GPR89A: variants seen among roughly 807,000 people sequenced by gnomAD.
GPR89A encodes golgi pH regulator A.
A neutral mutation model predicts 52.0 loss-of-function variants in GPR89A; 16 were observed. The observed-to-expected ratio is 0.31, with a 90% CI of 0.21 to 0.47. GPR89A has a LOEUF of 0.47. Among genes scored for constraint, GPR89A ranks in the 20% least tolerant of loss-of-function variants. The probability of loss-of-function intolerance (pLI) is 1.00; values close to 1 mark genes in which losing one functional copy is unlikely to be tolerated. For synonymous variants in GPR89A, 55 were observed against 150.9 expected, an observed-to-expected ratio of 0.36 and a Z score of 4.66; for missense variants, 135 against 449.4, an observed-to-expected ratio of 0.30 and a Z score of 6.33.
rs782524314 is a variant in GPR89A, at chr1:145,663,399, T to C, written c.980T>C (p.Val327Ala). The C allele has an allele frequency of 5.6e-5, 90 of 1,610,112 alleles. 1 individual carries two copies. The highest frequency in any genetic ancestry group is 7.5e-5 in the Non-Finnish European group (89 of 1,178,972). The change falls in exon 11 of 14, where the codon GTG becomes GCG. Residue 327 changes from valine to alanine, a missense_variant. By Grantham distance (64) the Val-to-Ala change is moderately conservative. Transcript: ENST00000313835. ...GTCACAAGAGGCATTGAGATCACTG[T>C]GAATTATCTGGGAATCCAATTTGAT... The part of the protein sequence containing the change: ...DPVTRGIEIT[V>A]NYLGIQFDVK...
intron 3 of GPR89A, among the ~76,000 whole-genome samples, chr1:145,621,908 C>CA (rs587599363): frequency 0.99 from 136,684 of 137,846 alleles, 67,770 homozygotes; most frequent in South Asian, 1. Context: ...TGGCTATAAC[C>CA]AAAAAAAAAA....
chr1:145,612,478 AAAG>A (rs1167983976), intron 1 of GPR89A, among the ~76,000 whole-genome samples: 2 of 152,210 alleles, frequency 1.3e-5, no homozygotes, highest in African/African-American at 2.4e-5. Flanking sequence ...TATTTAAAAA[AAAG>A]CACAGATTTT....
At chr1:145,669,813 A>G (rs1652855191) in intron 13 of GPR89A, 21 bp from the exon 14 acceptor site, 1 of 1,332,098 alleles carries the variant, frequency 7.5e-7, no homozygotes, top group Admixed American at 1.7e-5. Flanking sequence ...TCACTTCTGG[A>G]TTAATTCATT....
At chr1:145,621,724 A>G (rs1649151990) in intron 3 of GPR89A, among the ~76,000 whole-genome samples, 1 of 152,126 alleles carries the variant, frequency 6.6e-6, no homozygotes, top group Non-Finnish European at 1.5e-5. Context: ...AAGAATTCTT[A>G]TAGTTTAATC....
intron 3 of GPR89A, among the ~76,000 whole-genome samples, chr1:145,621,242 C>CT (rs1553688076): frequency 6.7e-6 from 1 of 150,372 alleles, no homozygotes; most frequent in Non-Finnish European, 1.5e-5. Flanking sequence ...TTTATGAAAT[C>CT]TTTGAAGAAA....
At chr1:145,624,783 T>G (rs1315853485) in intron 5 of GPR89A, among the ~76,000 whole-genome samples, 2 of 137,920 alleles carry the variant, frequency 1.5e-5, no homozygotes, top group Admixed American at 1.5e-4. Context: ...ATCAGGGACC[T>G]CAGTCCCAGC....
Position 145,660,493 on chromosome 1 carries a change from G to T in GPR89A, c.910-2836G>T, listed in dbSNP as rs1188784085. Reference sequence around the variant, plus strand: ...ACTAAAGAGCTTCTGCACAGCAAAAGAAACTACCATCAGAGTGAACAGGCA... The same window carrying T: ...ACTAAAGAGCTTCTGCACAGCAAAATAAACTACCATCAGAGTGAACAGGCA... On this transcript the variant is annotated intron_variant, in intron 10 of 13. Coordinates refer to ENST00000313835, the MANE Select transcript of GPR89A (RefSeq NM_001097612.2). Among the ~76,000 whole-genome samples, 4 of 151,410 alleles carry T rather than the reference G, an allele frequency of 2.6e-5. No individual in the cohort carries two copies. In the South Asian group the frequency reaches 6.2e-4, roughly 24 times the overall value.
At chr1:145,623,391 A>G (rs1241602286) in intron 4 of GPR89A, among the ~76,000 whole-genome samples, 4 of 152,116 alleles carry the variant, frequency 2.6e-5, no homozygotes. Flanking sequence ...TTATTTTTCT[A>G]CCTATTAATA....
intron 10 of GPR89A, among the ~76,000 whole-genome samples, chr1:145,656,936 T>A (rs1553694623): frequency 1.3e-5 from 2 of 152,094 alleles, no homozygotes. Flanking sequence ...ACTGCATCTA[T>A]TGAGATGATC....
chr1:145,622,325 C>T (rs1359509032), intron 3 of GPR89A, among the ~76,000 whole-genome samples: 1 of 98,248 alleles, frequency 1.0e-5, no homozygotes, highest in Non-Finnish European at 2.0e-5. Flanking sequence ...CAAAAGATTA[C>T]ATATTGGTGG....
At chr1:145,655,739 C>T (rs1278598728) in intron 10 of GPR89A, among the ~76,000 whole-genome samples, 1 of 152,186 alleles carries the variant, frequency 6.6e-6, no homozygotes, top group Non-Finnish European at 1.5e-5. Flanking sequence ...CTGGCAACCC[C>T]TGGTGGGGGG....
chr1:145,666,938 T>C (rs1553696562), intron 12 of GPR89A, among the ~76,000 whole-genome samples: 1 of 152,154 alleles, frequency 6.6e-6, no homozygotes, highest in African/African-American at 2.4e-5. Flanking sequence ...CACATTTTCT[T>C]AATCCAGTCT....
chr1:145,623,081 C>G lies in GPR89A; in HGVS notation c.234C>G (p.Asn78Lys). The G allele has an allele frequency of 5.0e-6, 8 of 1,611,820 alleles. No homozygotes were observed. The highest frequency in any genetic ancestry group is 6.8e-6 in the Non-Finnish European group (8 of 1,178,732). ...CCCGTTATTTTCACTGGAAAATGAA[C>G]CTGTGTGTAATTCTGCTGATCCTGG... ...SSSRYFHWKM[N>K]LCVILLILVF... Residue 78 changes from asparagine to lysine, a missense_variant, in exon 4 of 14, where the codon AAC becomes AAG. Transcript: ENST00000313835.
At chr1:145,628,827 A>G (rs1553689371) in intron 5 of GPR89A, among the ~76,000 whole-genome samples, 8 of 152,260 alleles carry the variant, frequency 5.3e-5, no homozygotes, top group Non-Finnish European at 1.0e-4. Flanking sequence ...GACAATAACT[A>G]TAAACTTCTT....
chr1:145,657,023 A>C (rs1406233587), intron 10 of GPR89A, among the ~76,000 whole-genome samples: 1 of 151,978 alleles, frequency 6.6e-6, no homozygotes, highest in African/African-American at 2.4e-5. Context: ...TTGCATTCCT[A>C]GAATAAACCT....
chr1:145,652,414 A>G (rs1268563210), intron 10 of GPR89A, among the ~76,000 whole-genome samples: 3 of 147,696 alleles, frequency 2.0e-5, no homozygotes, highest in African/African-American at 7.5e-5. Context: ...TTTATTGAGG[A>G]TTTTCACATC....
At chr1:145,663,013 G>C (rs779119457) in intron 10 of GPR89A, among the ~76,000 whole-genome samples, 87 of 152,130 alleles carry the variant, frequency 5.7e-4, no homozygotes, top group Non-Finnish European at 1.1e-3. Context: ...GGGATTTCTT[G>C]ATTCTCTTAA....
Position 145,670,438 on chromosome 1 carries a change from G to A in GPR89A, c.*398G>A, listed in dbSNP as rs1295783219. Reference sequence around the variant, plus strand: ...AAGGTTATAGCTTTGCCTTGAGATTGACTCATTAAAATCAGAGACTGTAAC... The same window carrying A: ...AAGGTTATAGCTTTGCCTTGAGATTAACTCATTAAAATCAGAGACTGTAAC... On this transcript the variant is annotated 3_prime_UTR_variant, in exon 14 of 14. Transcript: ENST00000313835. 3.1e-6 allele frequency: 1 copy of A among 325,424 alleles called. No individual in the cohort carries two copies. Among genetic ancestry groups the A allele is most frequent in the Non-Finnish European group, 5.9e-6 (1 of 170,926 alleles). The allele number at this position is 325,424 out of a possible 1,614,324, so 20.2% of individuals were successfully genotyped here.
chr1:145,650,734 C>G (rs1202159501), intron 10 of GPR89A, among the ~76,000 whole-genome samples: 2 of 151,584 alleles, frequency 1.3e-5, no homozygotes, highest in East Asian at 3.9e-4. Flanking sequence ...CTCTAATGAT[C>G]AGTGATACTG....
Sources: gnomAD v4.1 joint callset for allele counts (sites outside exome capture counted in the v4.1 genomes callset) on GRCh38, gnomAD v4.1.1 for gene constraint, MANE v1.5 for transcripts, NCBI Gene and HGNC (gene_info 2026-07-23, HGNC 2026-07-21) for gene names.